Variants in CA10 observed in about 807,000 individuals in gnomAD.
CA10 encodes carbonic anhydrase-related protein 10.
Under a neutral mutation model 44.2 loss-of-function variants are expected in CA10, and 14 were observed. That is an observed-to-expected ratio of 0.32 (90% CI 0.21 to 0.50). The LOEUF is 0.50. CA10 is among the 20% of genes least tolerant of loss of function. The pLI, the probability that CA10 is intolerant of heterozygous loss-of-function variation, is 0.99. For synonymous variants in CA10, 159 were observed against 141.6 expected, an observed-to-expected ratio of 1.12 and a Z score of -0.87; for missense variants, 350 against 409.7, an observed-to-expected ratio of 0.85 and a Z score of 1.26.
intron 2 of CA10, among the ~76,000 whole-genome samples, chr17:51,942,991 C>A (rs1175172267): frequency 1.3e-5 from 2 of 152,038 alleles, no homozygotes; most frequent in Admixed American, 1.3e-4. Context: ...CTTTGCATAC[C>A]ATTTTCTCTC....
intron 1 of CA10, among the ~76,000 whole-genome samples, chr17:52,139,299 A>G (rs1334432544): frequency 6.6e-6 from 1 of 152,180 alleles, no homozygotes; most frequent in African/African-American, 2.4e-5. Context: ...AGTTGTTTAC[A>G]TTAAATTAAA....
intron 4 of CA10, among the ~76,000 whole-genome samples, chr17:51,674,186 G>A (rs1366289096): frequency 6.6e-6 from 1 of 152,170 alleles, no homozygotes; most frequent in Non-Finnish European, 1.5e-5. Context: ...GTGGTTTATA[G>A]AAATTATTTC....
chr17:52,023,560 A>C (rs1224113902), intron 2 of CA10, among the ~76,000 whole-genome samples: 2 of 152,140 alleles, frequency 1.3e-5, no homozygotes, highest in African/African-American at 4.8e-5. Context: ...GCCTTAGCAA[A>C]GAATTTTGAC....
chr17:51,949,239 T>C (rs1406033326), intron 2 of CA10, among the ~76,000 whole-genome samples: 2 of 152,168 alleles, frequency 1.3e-5, no homozygotes, highest in African/African-American at 4.8e-5. Flanking sequence ...AAAACATTTA[T>C]ATAATATGTG....
At chr17:51,817,000 T>C (rs569182341) in intron 3 of CA10, among the ~76,000 whole-genome samples, 50 of 152,344 alleles carry the variant, frequency 3.3e-4, no homozygotes, top group East Asian at 2.9e-3. Flanking sequence ...TACTGAGATA[T>C]TGGAGATGTT....
At chr17:51,675,996 C>T (rs1254861857) in intron 4 of CA10, among the ~76,000 whole-genome samples, 1 of 152,168 alleles carries the variant, frequency 6.6e-6, no homozygotes, top group Non-Finnish European at 1.5e-5. Context: ...TTGTAAGGTC[C>T]TAAGTATTAA....
At chr17:51,735,007 C>G (rs1916852278) in intron 4 of CA10, among the ~76,000 whole-genome samples, 1 of 152,036 alleles carries the variant, frequency 6.6e-6, no homozygotes, top group Admixed American at 6.6e-5. Context: ...CAGCAGGATG[C>G]CTTGACACTG....
At chr17:52,047,002 G>T (rs1259702025) in intron 2 of CA10, among the ~76,000 whole-genome samples, 3 of 151,824 alleles carry the variant, frequency 2.0e-5, no homozygotes, top group Admixed American at 2.0e-4. Context: ...GAAAACATAT[G>T]TTCATACACG....
intron 2 of CA10, among the ~76,000 whole-genome samples, chr17:51,947,016 T>G (rs1292646047): frequency 1.3e-5 from 2 of 151,816 alleles, no homozygotes; most frequent in African/African-American, 4.8e-5. Flanking sequence ...AATTGAAAAA[T>G]AAAATATTGA....
chr17:51,743,473 A>G (rs1469062775), intron 4 of CA10, among the ~76,000 whole-genome samples: 1 of 152,194 alleles, frequency 6.6e-6, no homozygotes, highest in Admixed American at 6.5e-5. Flanking sequence ...TTTATCACCA[A>G]TCCCCAACAA....
chr17:51,874,956 TTTTC>T (rs1333217804), intron 3 of CA10, among the ~76,000 whole-genome samples: 12 of 66,848 alleles, frequency 1.8e-4, no homozygotes, highest in Admixed American at 7.1e-4. Flanking sequence ...TTCTGTTTTT[TTTTC>T]TTTTTTTTCT....
intron 1 of CA10, among the ~76,000 whole-genome samples, chr17:52,154,584 T>G (rs1210918543): frequency 1.3e-5 from 2 of 152,168 alleles, no homozygotes; most frequent in African/African-American, 2.4e-5. Context: ...GCTCTTGCAG[T>G]ACACGGAAAA....
chr17:51,660,507 A>T (rs1451718326), intron 4 of CA10, among the ~76,000 whole-genome samples: 1 of 152,228 alleles, frequency 6.6e-6, no homozygotes, highest in African/African-American at 2.4e-5. Context: ...CTTCAGTTGC[A>T]CAGGTCTCAG....
At chr17:51,692,178 G>A (rs1000278485) in intron 4 of CA10, among the ~76,000 whole-genome samples, 3 of 147,474 alleles carry the variant, frequency 2.0e-5, no homozygotes, top group African/African-American at 5.0e-5. Context: ...TCTTTTCTTA[G>A]TGTTTTATAG....
chr17:51,790,417 G>A (rs1906472687), intron 3 of CA10, among the ~76,000 whole-genome samples: 1 of 152,108 alleles, frequency 6.6e-6, no homozygotes, highest in Non-Finnish European at 1.5e-5. Flanking sequence ...TACGTGGTTG[G>A]GATTATACCT....
intron 1 of CA10, among the ~76,000 whole-genome samples, chr17:52,136,071 C>T (rs1295896724): frequency 6.6e-6 from 1 of 152,150 alleles, no homozygotes; most frequent in Non-Finnish European, 1.5e-5. Flanking sequence ...AGGAAGGTCT[C>T]TTTTTAGTTC....
chr17:52,086,333 A>C (rs983612609), intron 1 of CA10, among the ~76,000 whole-genome samples: 10 of 152,220 alleles, frequency 6.6e-5, no homozygotes, highest in African/African-American at 2.4e-4. Flanking sequence ...ATAGCTCTCC[A>C]AGTCAGGGCC....
chr17:51,802,395 C>G (rs1211124157), intron 3 of CA10, among the ~76,000 whole-genome samples: 1 of 152,004 alleles, frequency 6.6e-6, no homozygotes, highest in Non-Finnish European at 1.5e-5. Context: ...TCCAAAAAGG[C>G]TTTGTCTAAC....
chr17:51,914,107 C>T (rs1412035193), intron 3 of CA10, among the ~76,000 whole-genome samples: 1 of 152,096 alleles, frequency 6.6e-6, no homozygotes, highest in African/African-American at 2.4e-5. Context: ...ATTCCTGATC[C>T]ACTCTGAGCC....
Sources: allele counts gnomAD v4.1 joint callset (sites outside exome capture counted in the v4.1 genomes callset), GRCh38; gene constraint gnomAD v4.1.1; transcripts MANE v1.5; gene names NCBI Gene and HGNC (gene_info 2026-07-23, HGNC 2026-07-21).